Variants in SNTG1 observed in about 807,000 individuals in gnomAD.
The protein encoded by SNTG1 is syntrophin gamma 1.
SNTG1 carries 39 observed loss-of-function variants against 74.7 expected under a neutral mutation model. The observed-to-expected ratio is 0.52, with a 90% CI of 0.40 to 0.68. The LOEUF (loss-of-function observed/expected upper bound fraction) is 0.68. SNTG1 is among the 30% of genes least tolerant of loss of function. The probability of loss-of-function intolerance (pLI) is 0.00; values close to 1 mark genes in which losing one functional copy is unlikely to be tolerated. For synonymous variants in SNTG1, 254 were observed against 217.1 expected, an observed-to-expected ratio of 1.17 and a Z score of -1.49; for missense variants, 685 against 609.5, an observed-to-expected ratio of 1.12 and a Z score of -1.30.
At chr8:50,536,887 ATACGCCT>A in intron 11 of SNTG1, 79 bp downstream of exon 11, 2 of 1,497,908 alleles carry the variant, frequency 1.3e-6, no homozygotes, top group Admixed American at 4.0e-5. Context: ...ACATATCACA[ATACGCCT>A]TATGATTTTA....
At chr8:50,290,172 GT>G (rs1272537779) in intron 2 of SNTG1, among the ~76,000 whole-genome samples, 1 of 152,124 alleles carries the variant, frequency 6.6e-6, no homozygotes, top group Non-Finnish European at 1.5e-5. Context: ...TCAGCCTCAT[GT>G]TTCTCAGACC....
chr8:50,623,432 T>C (rs1225160877), intron 13 of SNTG1, among the ~76,000 whole-genome samples: 1 of 152,170 alleles, frequency 6.6e-6, no homozygotes, highest in Non-Finnish European at 1.5e-5. Flanking sequence ...ATTTATTTTC[T>C]TGTAGAATAT....
intron 10 of SNTG1, among the ~76,000 whole-genome samples, chr8:50,535,048 C>A (rs41511547): frequency 0.035 from 5,354 of 152,234 alleles, 340 homozygotes; most frequent in African/African-American, 0.12. Context: ...CCAAGCCAGG[C>A]ATCTAAGTAG....
chr8:50,717,245 G>A (rs952653071), intron 17 of SNTG1, among the ~76,000 whole-genome samples: 1 of 151,464 alleles, frequency 6.6e-6, no homozygotes, highest in Admixed American at 6.6e-5. Context: ...TTCTTTCTGT[G>A]GCTTCTGATA....
chr8:50,045,877 G>A (rs1243930290), intron 1 of SNTG1, among the ~76,000 whole-genome samples: 1 of 152,154 alleles, frequency 6.6e-6, no homozygotes, highest in Non-Finnish European at 1.5e-5. Context: ...TTGTTCAGTT[G>A]TACTGGCCAC....
intron 18 of SNTG1, among the ~76,000 whole-genome samples, chr8:50,780,466 T>C (rs1268528318): frequency 1.3e-5 from 2 of 152,238 alleles, no homozygotes; most frequent in African/African-American, 4.8e-5. Flanking sequence ...ATCCATTTCT[T>C]CTAGATTTTC....
intron 1 of SNTG1, among the ~76,000 whole-genome samples, chr8:49,913,969 C>G (rs1450412459): frequency 3.3e-5 from 5 of 151,920 alleles, no homozygotes; most frequent in Non-Finnish European, 7.4e-5. Flanking sequence ...GTGAAAGTTA[C>G]CTTTGCCTAA....
At chr8:50,167,533 A>G (rs887661860) in intron 1 of SNTG1, among the ~76,000 whole-genome samples, 2 of 151,612 alleles carry the variant, frequency 1.3e-5, no homozygotes, top group African/African-American at 4.8e-5. Context: ...GCGGTAGCTC[A>G]TGCCTATAAT....
chr8:50,175,134 C>G (rs2082949660), intron 2 of SNTG1, among the ~76,000 whole-genome samples: 1 of 152,020 alleles, frequency 6.6e-6, no homozygotes, highest in Admixed American at 6.6e-5. Context: ...TGGGTTGGTT[C>G]CAAGTCGTTG....
At position 50,064,600 on chromosome 8, in the gene SNTG1, C is replaced by A. The variant is rs917418981; in HGVS notation, c.-102-107961C>A. Among the ~76,000 whole-genome samples, 18 of 152,214 alleles carry A rather than the reference C, an allele frequency of 1.2e-4. 1 individual carries two copies. The highest frequency in any genetic ancestry group is 1.0e-3 in the Admixed American group (16 of 15,286). On this transcript the variant is annotated intron_variant, in intron 1 of 18. Transcript: ENST00000642720. ...TGATCACTGAAAACTTCCACTGTGG[C>A]CTGTGTGGTCATCCACAATCTGGCC... is the stretch of plus-strand genomic sequence containing the variant.
chr8:50,659,420 A>C (rs765279485), intron 15 of SNTG1, among the ~76,000 whole-genome samples: 2 of 152,182 alleles, frequency 1.3e-5, no homozygotes, highest in Non-Finnish European at 2.9e-5. Flanking sequence ...AAGGGGAGCT[A>C]ATTTCCCTTT....
chr8:50,637,716 T>G (rs2095048004), intron 13 of SNTG1, among the ~76,000 whole-genome samples: 1 of 152,106 alleles, frequency 6.6e-6, no homozygotes, highest in Admixed American at 6.6e-5. Flanking sequence ...AGAAATAATT[T>G]GAATTGTTTA....
chr8:50,247,101 A>G (rs530022358), intron 2 of SNTG1, among the ~76,000 whole-genome samples: 6 of 152,272 alleles, frequency 3.9e-5, no homozygotes, highest in South Asian at 4.1e-4. Flanking sequence ...GGTGTTGGCT[A>G]TTGTTTCTGA....
At chr8:50,398,592 T>C (rs1171937756) in intron 3 of SNTG1, among the ~76,000 whole-genome samples, 2 of 152,208 alleles carry the variant, frequency 1.3e-5, no homozygotes, top group African/African-American at 4.8e-5. Context: ...GTTGCTCCCA[T>C]ATCAGATGTC....
At chr8:50,790,080 A>G (rs1418240326) in intron 18 of SNTG1, among the ~76,000 whole-genome samples, 1 of 151,990 alleles carries the variant, frequency 6.6e-6, no homozygotes, top group Non-Finnish European at 1.5e-5. Context: ...ACAAGGCAAC[A>G]TGAATTTTCC....
chr8:50,675,010 T>C (rs2095303562), intron 15 of SNTG1, among the ~76,000 whole-genome samples: 1 of 152,136 alleles, frequency 6.6e-6, no homozygotes, highest in Admixed American at 6.6e-5. Flanking sequence ...TCTAATTTTA[T>C]TGCAGTATGG....
At chr8:50,741,132 CT>C (rs2095542302) in intron 17 of SNTG1, among the ~76,000 whole-genome samples, 1 of 151,706 alleles carries the variant, frequency 6.6e-6, no homozygotes, top group African/African-American at 2.4e-5. Context: ...AAGAACTTTT[CT>C]TTTTTTTCTG....
chr8:50,425,058 G>A (rs2093144131), intron 4 of SNTG1, among the ~76,000 whole-genome samples: 1 of 152,044 alleles, frequency 6.6e-6, no homozygotes, highest in African/African-American at 2.4e-5. Context: ...TTTTAAAATG[G>A]AAGACAATAA....
intron 3 of SNTG1, among the ~76,000 whole-genome samples, chr8:50,401,652 T>G (rs2092807524): frequency 6.6e-6 from 1 of 152,102 alleles, no homozygotes; most frequent in Non-Finnish European, 1.5e-5. Context: ...TATGCATGCA[T>G]GCATGTGTTT....
Sources: gnomAD v4.1 joint callset for allele counts (sites outside exome capture counted in the v4.1 genomes callset) on GRCh38, gnomAD v4.1.1 for gene constraint, MANE v1.5 for transcripts, NCBI Gene and HGNC (gene_info 2026-07-23, HGNC 2026-07-21) for gene names.